The following ROBO1 variants were observed in gnomAD, a reference collection of about 807,000 sequenced individuals.
The protein encoded by ROBO1 is roundabout guidance receptor 1.
Under a neutral mutation model 195.9 loss-of-function variants are expected in ROBO1, and 149 were observed. That is an observed-to-expected ratio of 0.76 (90% CI 0.67 to 0.87). ROBO1 has a LOEUF of 0.87. Among genes scored for constraint, ROBO1 ranks in the 40% least tolerant of loss-of-function variants. The pLI, the probability that ROBO1 is intolerant of heterozygous loss-of-function variation, is 0.00. For missense variants in ROBO1, 1,933 were observed against 2,068.3 expected (o/e 0.93, Z 1.27); for synonymous variants, 816 against 733.2 (o/e 1.11, Z -1.82).
intron 1 of ROBO1, among the ~76,000 whole-genome samples, chr3:79,684,620 T>C (rs1435252795): frequency 2.0e-5 from 3 of 152,098 alleles, no homozygotes; most frequent in African/African-American, 7.2e-5. Context: ...TTTACCTGCA[T>C]GTCTCTTAAT....
chr3:79,044,036 A>G (rs562624154), intron 3 of ROBO1, among the ~76,000 whole-genome samples: 5 of 152,062 alleles, frequency 3.3e-5, no homozygotes, highest in African/African-American at 7.2e-5. Context: ...GGGGCGTCCA[A>G]TCTTTTGGCT....
chr3:78,984,023 A>T (rs2077053078), intron 3 of ROBO1, among the ~76,000 whole-genome samples: 1 of 152,214 alleles, frequency 6.6e-6, no homozygotes, highest in Non-Finnish European at 1.5e-5. Flanking sequence ...ATTATCCATG[A>T]ATCCATGCTA....
Position 79,534,148 on chromosome 3 carries a change from CAAAAAAAAAAA to C in ROBO1, c.88+55665_88+55675del, listed in dbSNP as rs5850434. ...GGAAGACTCTAGATGCTGGGGAAGGCAAAAAAAAAAAAAAAAAAAAAAAAAAAAATCAATTC... is the reference window on the plus strand; with the variant it reads ...GGAAGACTCTAGATGCTGGGGAAGGCAAAAAAAAAAAAAAAAAATCAATTC... On this transcript the variant is annotated intron_variant, in intron 2 of 30. Coordinates refer to ENST00000464233, the MANE Select transcript of ROBO1 (RefSeq NM_002941.4). 8.3e-4 allele frequency among the ~76,000 whole-genome samples: 50 copies of C among 59,974 alleles called. 2 individuals are homozygous for C. The highest frequency in any genetic ancestry group is 1.2e-3 in the African/African-American group (20 of 16,004). The allele number at this position is 59,974 out of a possible 152,430, so 39.3% of individuals were successfully genotyped here. A position where few individuals can be genotyped will look rare whatever the true frequency, so the allele number is the denominator to read the frequency against.
intron 2 of ROBO1, among the ~76,000 whole-genome samples, chr3:79,557,471 A>C (rs1942743215): frequency 6.6e-6 from 1 of 152,000 alleles, no homozygotes; most frequent in South Asian, 2.1e-4. Context: ...ACAGTGGCTC[A>C]TGCCTGTAAT....
At chr3:78,770,817 C>G (rs1576129804) in intron 4 of ROBO1, among the ~76,000 whole-genome samples, 1 of 152,264 alleles carries the variant, frequency 6.6e-6, no homozygotes, top group East Asian at 1.9e-4. Context: ...TGTGATTCCA[C>G]CACTTATGAG....
At chr3:78,704,835 C>T (rs2081512021) in intron 8 of ROBO1, among the ~76,000 whole-genome samples, 1 of 152,016 alleles carries the variant, frequency 6.6e-6, no homozygotes, top group Admixed American at 6.6e-5. Context: ...TAATGAGACC[C>T]TGTCTCAAAA....
chr3:79,256,168 C>T (rs1227814355), intron 2 of ROBO1, among the ~76,000 whole-genome samples: 3 of 152,140 alleles, frequency 2.0e-5, no homozygotes, highest in Non-Finnish European at 4.4e-5. Context: ...ATTCTTCCAT[C>T]CACCCACTTA....
At chr3:79,542,909 T>C (rs1022745938) in intron 2 of ROBO1, among the ~76,000 whole-genome samples, 1 of 152,076 alleles carries the variant, frequency 6.6e-6, no homozygotes, top group Non-Finnish European at 1.5e-5. Context: ...TTCATTTTAA[T>C]TAACAAAATT....
chr3:78,728,223 G>A (rs2082208539), intron 5 of ROBO1, among the ~76,000 whole-genome samples: 1 of 152,140 alleles, frequency 6.6e-6, no homozygotes, highest in Non-Finnish European at 1.5e-5. Flanking sequence ...GAAGGAAAAG[G>A]AGGAAGGAGA....
At chr3:78,793,390 A>T (rs530340707) in intron 4 of ROBO1, among the ~76,000 whole-genome samples, 1 of 152,334 alleles carries the variant, frequency 6.6e-6, no homozygotes, top group African/African-American at 2.4e-5. Context: ...CCTTCATTTT[A>T]AAATTATTCT....
At chr3:79,391,545 A>G (rs954263056) in intron 2 of ROBO1, among the ~76,000 whole-genome samples, 9 of 152,034 alleles carry the variant, frequency 5.9e-5, no homozygotes, top group African/African-American at 1.7e-4. Flanking sequence ...CCACTTCCCC[A>G]TCTCCATCCC....
chr3:79,397,530 A>G (rs1470812462), intron 2 of ROBO1, among the ~76,000 whole-genome samples: 2 of 152,160 alleles, frequency 1.3e-5, no homozygotes, highest in African/African-American at 4.8e-5. Flanking sequence ...GACACAATCT[A>G]TTAGACAAAA....
intron 2 of ROBO1, among the ~76,000 whole-genome samples, chr3:79,199,317 C>A (rs77770813): frequency 0.14 from 21,304 of 151,696 alleles, 2,456 homozygotes; most frequent in African/African-American, 0.32. Flanking sequence ...TTTGTAATGA[C>A]TAGAAGACTC....
chr3:78,922,673 G>A (rs1361097869), intron 4 of ROBO1, among the ~76,000 whole-genome samples: 1 of 144,446 alleles, frequency 6.9e-6, no homozygotes, highest in East Asian at 2.1e-4. Flanking sequence ...GCAGTGGCAC[G>A]ATCTCAGCTC....
chr3:79,669,935 T>G (rs1009343081), intron 1 of ROBO1, among the ~76,000 whole-genome samples: 1 of 151,910 alleles, frequency 6.6e-6, no homozygotes, highest in Non-Finnish European at 1.5e-5. Flanking sequence ...TTACTTCTTA[T>G]GCTGGGCAGA....
At chr3:79,482,579 T>C (rs937092533) in intron 2 of ROBO1, among the ~76,000 whole-genome samples, 3 of 152,186 alleles carry the variant, frequency 2.0e-5, no homozygotes. Flanking sequence ...CTTTCCTTTA[T>C]AGATTACCCA....
chr3:79,151,468 A>G (rs933629563), intron 2 of ROBO1, among the ~76,000 whole-genome samples: 2 of 151,644 alleles, frequency 1.3e-5, no homozygotes, highest in Non-Finnish European at 3.0e-5. Context: ...TCACTTCTTA[A>G]TCGCCCCTCG....
intron 2 of ROBO1, among the ~76,000 whole-genome samples, chr3:79,368,525 C>G (rs1328801603): frequency 2.0e-5 from 3 of 152,006 alleles, no homozygotes; most frequent in Non-Finnish European, 2.9e-5. Flanking sequence ...GCTCCCAGCT[C>G]TGAGCTGTTA....
intron 3 of ROBO1, among the ~76,000 whole-genome samples, chr3:79,100,577 C>T (rs771350563): frequency 7.9e-5 from 12 of 151,692 alleles, no homozygotes; most frequent in Admixed American, 2.0e-4. Context: ...TATGAATTCA[C>T]GTGATCCTAT....
Sources: gnomAD v4.1 joint callset for allele counts (sites outside exome capture counted in the v4.1 genomes callset) on GRCh38, gnomAD v4.1.1 for gene constraint, MANE v1.5 for transcripts, NCBI Gene and HGNC (gene_info 2026-07-23, HGNC 2026-07-21) for gene names.